Variants in POLG observed in about 807,000 individuals in gnomAD.
The protein encoded by POLG is DNA polymerase gamma, catalytic subunit.
A neutral mutation model predicts 155.4 loss-of-function variants in POLG; 110 were observed. That is an observed-to-expected ratio of 0.71 (90% confidence interval 0.61 to 0.83). The LOEUF (loss-of-function observed/expected upper bound fraction) is 0.83, where lower values mean the gene tolerates loss of function less well. Ranked by LOEUF, POLG falls within the 40% of genes least tolerant of loss-of-function variation. POLG has a pLI of 0.00. For synonymous variants in POLG, 701 were observed against 631.5 expected, an observed-to-expected ratio of 1.11 and a Z score of -1.65; for missense variants, 1,685 against 1,627.5, an observed-to-expected ratio of 1.04 and a Z score of -0.61.
chr15:89,326,205 G>A (rs2152066347), intron 9 of POLG, among the ~76,000 whole-genome samples: 1 of 152,266 alleles, frequency 6.6e-6, no homozygotes, highest in East Asian at 1.9e-4. Context: ...CACCCTATGA[G>A]GCTCAAAGGA....
Position 89,319,549 on chromosome 15 carries a change from T to G in POLG, c.2982-199A>C, listed in dbSNP as rs545270428. 1.0e-4 allele frequency: 72 copies of G among 713,214 alleles called. 2 individuals carry two copies. Among genetic ancestry groups the G allele is most frequent in the Middle Eastern group, 7.9e-4 (2 of 2,542 alleles). 44.2% of individuals were successfully genotyped at this position (713,214 alleles called of 1,614,324 possible). A position where few individuals can be genotyped will look rare whatever the true frequency, so the allele number is the denominator to read the frequency against. On this transcript the variant is annotated intron_variant, in intron 18 of 22. Coordinates refer to ENST00000268124, the MANE Select transcript of POLG (RefSeq NM_002693.3). ...CTAGGATCATGGAGCTAGAAAGAGA[T>G]GCAGCCCAGGCTTTTGTAGCCCCAA...
chr15:89,332,804 CA>C (rs1302743591), intron 2 of POLG, among the ~76,000 whole-genome samples: 1 of 152,088 alleles, frequency 6.6e-6, no homozygotes, highest in Non-Finnish European at 1.5e-5. Flanking sequence ...GTAAAGGCAC[CA>C]AATCACCGTG....
chr15:89,325,165 AGTGAGAGAGTGAGAGAGTGAGT>A (rs2055480807), intron 10 of POLG, among the ~76,000 whole-genome samples: 2 of 90,340 alleles, frequency 2.2e-5, no homozygotes, highest in East Asian at 3.7e-4. Context: ...TGAGTGAGTG[AGTGAGAGAGTGAGAGAGTGAGT>A]GAGTGAGAGA....
intron 22 of POLG, 94 bp downstream of exon 22, chr15:89,317,282 T>G: frequency 8.7e-7 from 1 of 1,155,602 alleles, no homozygotes; most frequent in Non-Finnish European, 1.3e-6. Context: ...CAAGAGTGGA[T>G]TCTCTGGGGC....
intron 2 of POLG, among the ~76,000 whole-genome samples, chr15:89,331,558 T>C (rs147891154): frequency 6.6e-6 from 1 of 152,310 alleles, no homozygotes; most frequent in African/African-American, 2.4e-5. Context: ...CTTAGAAAAA[T>C]GCTGATGGCC....
chr15:89,321,395 C>T (rs777048579), intron 16 of POLG, 135 bp from the exon 17 acceptor site: 18 of 1,050,726 alleles, frequency 1.7e-5, no homozygotes, highest in African/African-American at 6.3e-5. Context: ...TGAAATTCCA[C>T]AGTTCCAGAG....
At chr15:89,324,425 T>G (rs567258251) in intron 10 of POLG, 198 bp from the exon 11 acceptor site, 71 of 679,666 alleles carry the variant, frequency 1.0e-4, no homozygotes, top group African/African-American at 6.3e-4. Flanking sequence ...GGCAGCAGGC[T>G]GGGGTTCAAG....
At chr15:89,319,788 C>A (rs750032906) in intron 18 of POLG, among the ~76,000 whole-genome samples, 11 of 152,182 alleles carry the variant, frequency 7.2e-5, no homozygotes, top group Non-Finnish European at 1.6e-4. Context: ...TTTGTTGAAG[C>A]AGAAAACACA....
At chr15:89,325,085 AGAGTGAGTGAGT>A (rs761844984) in intron 10 of POLG, among the ~76,000 whole-genome samples, 1 of 77,676 alleles carries the variant, frequency 1.3e-5, no homozygotes, top group African/African-American at 8.7e-5. Flanking sequence ...AGTGAGTGAG[AGAGTGAGTGAGT>A]GAGAGAGTGA....
At chr15:89,330,833 G>A (rs77604548) in intron 2 of POLG, among the ~76,000 whole-genome samples, 59 of 151,066 alleles carry the variant, frequency 3.9e-4, no homozygotes, top group Non-Finnish European at 7.2e-4. Context: ...ACACACCTTG[G>A]AGAAGCAACC....
In POLG at chr15:89,325,271, TGAGAGAGAGAGAAAGAGAGAGAGAGAGG is replaced by T. The variant is rs1567190044; in HGVS notation, c.1949+151_1949+178del. Among the ~76,000 whole-genome samples the T allele has an allele frequency of 5.0e-4, 46 of 92,772 alleles. 9 individuals carry two copies. Among genetic ancestry groups the T allele is most frequent in the African/African-American group, 2.8e-3 (41 of 14,454 alleles). The allele number at this position is 92,772 out of a possible 152,430, so 60.9% of individuals were successfully genotyped here. A position where few individuals can be genotyped will look rare whatever the true frequency, so the allele number is the denominator to read the frequency against. On this transcript the variant is annotated intron_variant, in intron 10 of 22. Transcript: ENST00000268124. ...GTGAGAGAGAGAGTGAGTGAGTGAG[TGAGAGAGAGAGAAAGAGAGAGAGAGAGG>T]GTGTGTGTGTGTGTGTTAATTTTTT...
intron 16 of POLG, 125 bp from the exon 17 acceptor site, chr15:89,321,385 T>C: frequency 8.9e-7 from 1 of 1,129,010 alleles, no homozygotes; most frequent in South Asian, 1.3e-5. Flanking sequence ...ACAGCACTGC[T>C]GAAATTCCAC....
At position 89,316,644 on chromosome 15, in the gene POLG, C is replaced by A; in HGVS notation, c.*107G>T. The A allele has an allele frequency of 8.4e-7, 1 of 1,185,490 alleles. No homozygotes were observed. The highest frequency in any genetic ancestry group is 1.3e-6 in the Non-Finnish European group (1 of 794,796). 73.4% of individuals were successfully genotyped at this position (1,185,490 alleles called of 1,614,324 possible). A position where few individuals can be genotyped will look rare whatever the true frequency, so the allele number is the denominator to read the frequency against. The stretch of plus-strand genomic sequence containing the variant: ...GGTCCTGCTACTGAAAAATGGCTGG[C>A]CTTAGGCAAGCCCTTTTGCAAAAAG... On this transcript the variant is annotated 3_prime_UTR_variant, in exon 23 of 23. Transcript: ENST00000268124.
At chr15:89,318,811 T>G (rs1376207737) in intron 20 of POLG, 62 bp from the exon 21 acceptor site, 6 of 1,557,790 alleles carry the variant, frequency 3.9e-6, no homozygotes, top group Non-Finnish European at 4.4e-6. Flanking sequence ...AACTCCAGGG[T>G]AGAAGCCCCA....
At position 89,317,433 on chromosome 15, in the gene POLG, C is replaced by T. The variant is rs765344513; in HGVS notation, c.3586G>A (p.Asp1196Asn). ...DRCLRKEVTM[D>N]CKTPSNPTGM... ...GTTGGGTTGGAAGGGGTTTTACAAT[C>T]CATGGTCACTTCCTTCCTGAGGCAC... The change falls in exon 22 of 23, where the codon GAT (aspartate) becomes AAT (asparagine). Residue 1196 changes from aspartate to asparagine, a missense_variant. Asp to Asn is a conservative substitution (Grantham distance 23, BLOSUM62 1). Around this residue, in one of 3 missense-constraint regions of POLG, gnomAD observed 470 missense variants for 439.9 expected, o/e 1.07. Coordinates refer to ENST00000268124, the MANE Select transcript of POLG (RefSeq NM_002693.3). 5.0e-6 allele frequency: 8 copies of T among 1,613,978 alleles called. No homozygotes were observed. Among genetic ancestry groups the T allele is most frequent in the Non-Finnish European group, 6.8e-6 (8 of 1,179,982 alleles).
chr15:89,328,361 C>T lies in POLG; in HGVS notation c.1250+95G>A, dbSNP rs1002721615. 2.1e-5 allele frequency: 20 copies of T among 964,904 alleles called. No individual in the cohort carries two copies. In the African/African-American group the frequency reaches 3.2e-4, roughly 16 times the overall value. 59.8% of individuals were successfully genotyped at this position (964,904 alleles called of 1,614,324 possible). On this transcript the variant is annotated intron_variant, in intron 6 of 22. Transcript: ENST00000268124. ...TTCAGCCTAGAAAAGCTAAGGTCCC[C>T]AACCTGAGATAGAACCAGCGCCACC...
At chr15:89,329,360 T>C (rs2055565854) in intron 3 of POLG, among the ~76,000 whole-genome samples, 1 of 152,208 alleles carries the variant, frequency 6.6e-6, no homozygotes. Context: ...TCAATCCCAA[T>C]GTGCAAGTCC....
chr15:89,328,869 G>A lies in POLG; in HGVS notation c.1024-38C>T, dbSNP rs138069091. 6.7e-3 allele frequency: 10,789 copies of A among 1,613,988 alleles called. 37 individuals are homozygous for A. The highest frequency in any genetic ancestry group is 8.1e-3 in the Non-Finnish European group (9,511 of 1,179,982). Reference sequence around the variant, plus strand: ...AGCAAGGGACATGGCAGATCAGCCTGGCCTCGGGCCAGACGGGCTGGTGAG... The same window carrying A: ...AGCAAGGGACATGGCAGATCAGCCTAGCCTCGGGCCAGACGGGCTGGTGAG... On this transcript the variant is annotated intron_variant, in intron 4 of 22. Coordinates refer to ENST00000268124, the MANE Select transcript of POLG (RefSeq NM_002693.3).
intron 18 of POLG, 185 bp from the exon 19 acceptor site, chr15:89,319,535 G>A (rs1468225119): frequency 2.1e-5 from 16 of 759,018 alleles, no homozygotes; most frequent in Admixed American, 4.6e-5. Context: ...TAGGATCATG[G>A]AGCTAGAAAG....
Sources: allele counts gnomAD v4.1 joint callset (sites outside exome capture counted in the v4.1 genomes callset), GRCh38; gene constraint gnomAD v4.1.1; regional missense constraint gnomAD v4.1.1; transcripts MANE v1.5; gene names NCBI Gene and HGNC (gene_info 2026-07-23, HGNC 2026-07-21).